Variants in PLPP4 observed in about 807,000 individuals in gnomAD.
PLPP4 encodes phospholipid phosphatase 4.
A neutral mutation model predicts 32.2 loss-of-function variants in PLPP4; 20 were observed. The observed-to-expected ratio is 0.62, with a 90% CI of 0.44 to 0.90. PLPP4 has a LOEUF of 0.90. Among genes scored for constraint, PLPP4 ranks in the 40% least tolerant of loss-of-function variants. The pLI, the probability that PLPP4 is intolerant of heterozygous loss-of-function variation, is 0.00. For missense variants in PLPP4, 257 were observed against 353.1 expected (o/e 0.73, Z 2.18); for synonymous variants, 127 against 133.0 (o/e 0.95, Z 0.31).
At chr10:120,576,969 T>G (rs1849251834) in intron 6 of PLPP4, among the ~76,000 whole-genome samples, 1 of 152,248 alleles carries the variant, frequency 6.6e-6, no homozygotes. Context: ...GGACTGCTTC[T>G]CATTGATCCC....
chr10:120,457,649 G>A (rs1004410649), intron 1 of PLPP4, among the ~76,000 whole-genome samples: 1 of 152,182 alleles, frequency 6.6e-6, no homozygotes, highest in Non-Finnish European at 1.5e-5. Context: ...CTGCCCGGGG[G>A]ATCCAGGGCT....
chr10:120,533,228 T>A (rs529413423), intron 5 of PLPP4, among the ~76,000 whole-genome samples: 2 of 152,190 alleles, frequency 1.3e-5, no homozygotes, highest in South Asian at 4.1e-4. Flanking sequence ...TGAAATGGTA[T>A]CTGATTATGA....
At chr10:120,503,959 GCT>G in intron 2 of PLPP4, 33 bp downstream of exon 2, 1 of 1,418,336 alleles carries the variant, frequency 7.1e-7, no homozygotes, top group Non-Finnish European at 1.0e-6. Flanking sequence ...TTATTTGACT[GCT>G]CTCTCAAAGA....
intron 1 of PLPP4, among the ~76,000 whole-genome samples, chr10:120,482,431 C>T (rs1306433242): frequency 1.3e-5 from 2 of 152,046 alleles, no homozygotes; most frequent in South Asian, 2.1e-4. Flanking sequence ...TTGCCCCTGC[C>T]CTAGAGATTT....
intron 5 of PLPP4, among the ~76,000 whole-genome samples, chr10:120,547,494 A>G (rs1377476073): frequency 6.6e-6 from 1 of 152,194 alleles, no homozygotes; most frequent in African/African-American, 2.4e-5. Context: ...TTGATTATTA[A>G]TAAGTCAAGA....
At chr10:120,477,237 C>T (rs1314475558) in intron 1 of PLPP4, among the ~76,000 whole-genome samples, 2 of 21,056 alleles carry the variant, frequency 9.5e-5, no homozygotes, top group Non-Finnish European at 2.2e-4. Flanking sequence ...TAATCCAGAA[C>T]GGTTCAAAAA....
Position 120,514,133 on chromosome 10 carries a change from G to C in PLPP4, c.256+132G>C, listed in dbSNP as rs116706393. 93 of 748,324 alleles carry C rather than the reference G, an allele frequency of 1.2e-4. No individual in the cohort carries two copies. In the African/African-American group the frequency reaches 1.5e-3, roughly 12 times the overall value. The allele number at this position is 748,324 out of a possible 1,614,324, so 46.4% of individuals were successfully genotyped here. ...ATTAAGCTGGGGAGGAACAAGATAA[G>C]ATAAAGATAAACTTTAAGCCCAAAG... On this transcript the variant is annotated intron_variant, in intron 3 of 6. Transcript: ENST00000398250.
At chr10:120,546,336 C>A (rs1302462863) in intron 5 of PLPP4, among the ~76,000 whole-genome samples, 1 of 152,160 alleles carries the variant, frequency 6.6e-6, no homozygotes, top group Non-Finnish European at 1.5e-5. Flanking sequence ...GTCCCCCAAC[C>A]TGCTATAGAG....
intron 1 of PLPP4, among the ~76,000 whole-genome samples, chr10:120,481,669 A>G (rs1261959852): frequency 6.6e-6 from 1 of 152,126 alleles, no homozygotes; most frequent in Non-Finnish European, 1.5e-5. Context: ...GGAAACAAAG[A>G]CCATGATCAA....
chr10:120,483,428 G>A (rs572787176), intron 1 of PLPP4, among the ~76,000 whole-genome samples: 1 of 152,220 alleles, frequency 6.6e-6, no homozygotes, highest in South Asian at 2.1e-4. Flanking sequence ...TTCTCTTAGG[G>A]GTCTTGTGAG....
chr10:120,541,492 C>G (rs1847337673), intron 5 of PLPP4, among the ~76,000 whole-genome samples: 1 of 152,166 alleles, frequency 6.6e-6, no homozygotes, highest in South Asian at 2.1e-4. Context: ...ATCCTTCAGT[C>G]CAGTTTATTT....
chr10:120,544,609 T>A (rs1353079870), intron 5 of PLPP4, among the ~76,000 whole-genome samples: 1 of 152,150 alleles, frequency 6.6e-6, no homozygotes, highest in African/African-American at 2.4e-5. Flanking sequence ...CAGTGGAGGT[T>A]GGAGTGTGAG....
At chr10:120,544,837 C>T (rs182789627) in intron 5 of PLPP4, among the ~76,000 whole-genome samples, 1 of 152,314 alleles carries the variant, frequency 6.6e-6, no homozygotes, top group Non-Finnish European at 1.5e-5. Flanking sequence ...CTTTGTGTAG[C>T]CCATCTGAGC....
chr10:120,575,088 C>T lies in PLPP4; in HGVS notation c.446-43C>T, dbSNP rs1479668260. The stretch of plus-strand genomic sequence containing the variant: ...CCCAGCACGCACTGAGTCCCTGCCA[C>T]TCACCACCTGCTAGAGTAACACCTG... On this transcript the variant is annotated intron_variant, in intron 5 of 6. Transcript: ENST00000398250. The T allele has an allele frequency of 5.0e-6, 8 of 1,588,136 alleles. No individual in the cohort carries two copies. The African/African-American group carries it at 6.7e-5, about 13-fold the overall frequency.
intron 5 of PLPP4, among the ~76,000 whole-genome samples, chr10:120,537,913 A>G (rs1265188543): frequency 5.4e-5 from 8 of 148,408 alleles, no homozygotes; most frequent in African/African-American, 1.5e-4. Context: ...AATTGTCCCA[A>G]TCCTGAGCTG....
At chr10:120,500,291 C>T (rs1278809285) in intron 1 of PLPP4, among the ~76,000 whole-genome samples, 1 of 152,056 alleles carries the variant, frequency 6.6e-6, no homozygotes, top group Non-Finnish European at 1.5e-5. Flanking sequence ...GCCCTGTGGC[C>T]GGTTGTGTGA....
intron 1 of PLPP4, among the ~76,000 whole-genome samples, chr10:120,465,896 G>A (rs1466882737): frequency 2.6e-5 from 4 of 152,074 alleles, no homozygotes; most frequent in Non-Finnish European, 5.9e-5. Context: ...GTGGGTAGCG[G>A]CAGTTTGTTC....
intron 5 of PLPP4, among the ~76,000 whole-genome samples, chr10:120,525,538 C>G (rs1846352206): frequency 6.6e-6 from 1 of 152,140 alleles, no homozygotes; most frequent in African/African-American, 2.4e-5. Flanking sequence ...AGACATGGCC[C>G]ACGTTTTCCT....
intron 1 of PLPP4, among the ~76,000 whole-genome samples, chr10:120,465,662 A>G (rs1222763755): frequency 6.6e-6 from 1 of 152,228 alleles, no homozygotes; most frequent in Non-Finnish European, 1.5e-5. Context: ...TTTGACCTAT[A>G]AAACTGGGAA....
Sources: allele counts gnomAD v4.1 joint callset (sites outside exome capture counted in the v4.1 genomes callset), GRCh38; gene constraint gnomAD v4.1.1; transcripts MANE v1.5; gene names NCBI Gene and HGNC (gene_info 2026-07-23, HGNC 2026-07-21).